Variants in IGHMBP2 observed in about 807,000 individuals in gnomAD.
The protein encoded by IGHMBP2 is DNA-binding protein SMUBP-2.
Under a neutral mutation model 96.0 loss-of-function variants are expected in IGHMBP2, and 81 were observed. The ratio of observed to expected loss-of-function variants is 0.84; its 90% CI spans 0.71 to 1.01. The LOEUF (loss-of-function observed/expected upper bound fraction) is 1.01. Ranked by LOEUF, IGHMBP2 falls within the 50% of genes least tolerant of loss-of-function variation. The pLI, the probability that IGHMBP2 is intolerant of heterozygous loss-of-function variation, is 0.00. For missense variants in IGHMBP2, 1,227 were observed against 1,306.3 expected, an observed-to-expected ratio of 0.94 and a Z score of 0.94; for synonymous variants, 557 against 548.9, an observed-to-expected ratio of 1.01 and a Z score of -0.21.
intron 2 of IGHMBP2, 97 bp from the exon 3 acceptor site, chr11:68,908,048 C>T: frequency 9.7e-7 from 1 of 1,028,612 alleles, no homozygotes; most frequent in Non-Finnish European, 1.5e-6. Context: ...AAGAAAGTAA[C>T]AAAGATAAAA....
intron 6 of IGHMBP2, among the ~76,000 whole-genome samples, 196 bp downstream of exon 6, chr11:68,915,219 G>GCT (rs1486939616): frequency 2.4e-5 from 2 of 84,636 alleles, no homozygotes; most frequent in Admixed American, 2.8e-4. Flanking sequence ...TGCTCTCATT[G>GCT]CTCAGGCTGG....
intron 7 of IGHMBP2, among the ~76,000 whole-genome samples, chr11:68,919,299 G>A (rs967089170): frequency 1.4e-5 from 2 of 147,700 alleles, no homozygotes; most frequent in African/African-American, 2.5e-5. Flanking sequence ...CATCCCCGTC[G>A]CCTTCCCTAT....
At position 68,906,140 on chromosome 11, in the gene IGHMBP2, C is replaced by T. The variant is rs1178878248; in HGVS notation, c.158C>T (p.Ser53Phe). 2.5e-6 allele frequency: 4 copies of T among 1,614,146 alleles called. No individual in the cohort carries two copies. The South Asian group carries it at 3.3e-5, about 13-fold the overall frequency. ...RGVCLLKLQV[S>F]SQRTGLYGRL... Reference sequence around the variant, plus strand: ...GTGTGTTTGCTGAAGCTGCAGGTATCCAGCCAGCGCACTGGGCTGTACGGA... The same window carrying T: ...GTGTGTTTGCTGAAGCTGCAGGTATTCAGCCAGCGCACTGGGCTGTACGGA... The change falls in exon 2 of 15, where the codon TCC (serine) becomes TTC (phenylalanine). Residue 53 changes from serine (S) to phenylalanine (F), a missense_variant. Ser to Phe is a radical substitution (Grantham distance 155, BLOSUM62 -2). This residue lies in a region of IGHMBP2 where 507 missense variants were observed against 496.9 expected (regional missense o/e 1.02). Coordinates refer to ENST00000255078, the MANE Select transcript of IGHMBP2 (RefSeq NM_002180.3).
At position 68,936,655 on chromosome 11, in the gene IGHMBP2, C is replaced by T. The variant is rs773046519; in HGVS notation, c.2175C>T (p.Gly725=). The T allele has an allele frequency of 2.7e-5, 43 of 1,613,752 alleles. 1 individual carries two copies. In the South Asian group the frequency reaches 2.7e-4, roughly 10 times the overall value. Residue 725 remains glycine (G), a synonymous_variant, in exon 13 of 15, where the codon GGC becomes GGT. Transcript: ENST00000255078. ...CAGAGGGAGTGGAGAGCCAAGATGG[C>T]GTGGACCACTTCCGGGCCATGATAG... The part of the protein sequence containing the change: ...GSPEGVESQD[G]VDHFRAMIVE...
chr11:68,936,401 G>C lies in IGHMBP2; in HGVS notation c.1921G>C (p.Glu641Gln). 6.2e-7 allele frequency: 1 copy of C among 1,614,186 alleles called. No homozygotes were observed. Among genetic ancestry groups the C allele is most frequent in the Middle Eastern group, 1.6e-4 (1 of 6,062 alleles). The stretch of plus-strand genomic sequence containing the variant: ...GCATGGGGAAGTACGCACGGCCTTT[G>C]AGTATCTTGACGATATTGTCCCAGA... Reference protein sequence around the residue: ...TQHGEVRTAFEYLDDIVPENY... With the variant: ...TQHGEVRTAFQYLDDIVPENY... Residue 641 changes from glutamate (E) to glutamine (Q), a missense_variant, in exon 13 of 15, where the codon GAG becomes CAG. Transcript: ENST00000255078.
chr11:68,936,183 G>T, intron 12 of IGHMBP2, 54 bp from the exon 13 acceptor site: 1 of 1,603,008 alleles, frequency 6.2e-7, no homozygotes, highest in South Asian at 1.1e-5. Flanking sequence ...GTAGGAGCCT[G>T]ACTGTGTTTC....
rs1858296261 is a variant in IGHMBP2, at chr11:68,908,590, T to C, written c.506T>C (p.Val169Ala). Residue 169 changes from valine (V) to alanine (A), a missense_variant, in exon 4 of 15, where the codon GTG becomes GCG. Around this residue, in one of 3 missense-constraint regions of IGHMBP2, gnomAD observed 507 missense variants for 496.9 expected, o/e 1.02. Transcript: ENST00000255078. ...HSGPASSLIE[V>A]LFGRSAPSPA... Reference sequence around the variant, plus strand: ...GGCCCAGCCTCCTCACTCATAGAAGTGCTCTTTGGCAGATCTGCTCCCAGT... The same window carrying C: ...GGCCCAGCCTCCTCACTCATAGAAGCGCTCTTTGGCAGATCTGCTCCCAGT... 1 of 1,614,062 alleles carries C rather than the reference T, an allele frequency of 6.2e-7. No individual in the cohort carries two copies. Among genetic ancestry groups the C allele is most frequent in the Non-Finnish European group, 8.5e-7 (1 of 1,179,916 alleles).
intron 7 of IGHMBP2, chr11:68,926,373 C>G (rs1224291537): frequency 6.8e-6 from 1 of 147,548 alleles, no homozygotes; most frequent in Non-Finnish European, 1.5e-5. Flanking sequence ...CAGGTTCAAG[C>G]AATTCTCCTG....
intron 1 of IGHMBP2, among the ~76,000 whole-genome samples, chr11:68,905,072 A>G (rs1157737663): frequency 6.6e-6 from 1 of 152,144 alleles, no homozygotes; most frequent in African/African-American, 2.4e-5. Context: ...TTGGGATTAC[A>G]GGCGTGAGCC....
In IGHMBP2 at chr11:68,913,043, C is replaced by CAAAAAAAAAAA. The variant is rs71043469; in HGVS notation, c.711+1455_711+1465dup. 1.0e-3 allele frequency among the ~76,000 whole-genome samples: 39 copies of CAAAAAAAAAAA among 37,436 alleles called. 1 individual carries two copies. Among genetic ancestry groups the CAAAAAAAAAAA allele is most frequent in the Middle Eastern group, 0.024 (1 of 42 alleles). 24.6% of individuals were successfully genotyped at this position (37,436 alleles called of 152,430 possible). A position where few individuals can be genotyped will look rare whatever the true frequency, so the allele number is the denominator to read the frequency against. ...GGCAATAAGAGCAAAACTCCATCTC[C>CAAAAAAAAAAA]AAAAAAAAAAAAAAAAAAAAAAAAA... On this transcript the variant is annotated intron_variant, in intron 5 of 14. Coordinates refer to ENST00000255078, the MANE Select transcript of IGHMBP2 (RefSeq NM_002180.3).
In IGHMBP2 at chr11:68,908,557, A is replaced by G; in HGVS notation, c.473A>G (p.Tyr158Cys). 6.2e-7 allele frequency: 1 copy of G among 1,613,858 alleles called. No individual in the cohort carries two copies. The highest frequency in any genetic ancestry group is 8.5e-7 in the Non-Finnish European group (1 of 1,179,740). ...AGAGCCCTGATTGCTCTAAAGAAGT[A>G]TCATTCTGGCCCAGCCTCCTCACTC... is the stretch of plus-strand genomic sequence containing the variant. ...LKKALIALKK[Y>C]HSGPASSLIE... The change falls in exon 4 of 15, where the codon TAT becomes TGT. Residue 158 changes from tyrosine to cysteine, a missense_variant. Tyr to Cys is a radical substitution (Grantham distance 194). Transcript: ENST00000255078.
intron 5 of IGHMBP2, among the ~76,000 whole-genome samples, chr11:68,913,443 A>C (rs930759681): frequency 6.6e-6 from 1 of 151,690 alleles, no homozygotes; most frequent in Non-Finnish European, 1.5e-5. Context: ...TTTTGAGCTT[A>C]AGGGCCTGTA....
At chr11:68,934,227 T>TG in intron 10 of IGHMBP2, 1 of 628,340 alleles carries the variant, frequency 1.6e-6, no homozygotes, top group Non-Finnish European at 2.9e-6. Context: ...AGTTCCACGT[T>TG]GAACAGGATG....
chr11:68,909,336 C>A (rs1419155692), intron 4 of IGHMBP2, among the ~76,000 whole-genome samples: 1 of 151,580 alleles, frequency 6.6e-6, no homozygotes, highest in Admixed American at 6.6e-5. Context: ...CACGCCACCA[C>A]GCCTGGCTAA....
At position 68,908,535 on chromosome 11, in the gene IGHMBP2, G is replaced by A. The variant is rs536962342; in HGVS notation, c.451G>A (p.Ala151Thr). 1.4e-5 allele frequency: 23 copies of A among 1,612,982 alleles called. 1 individual carries two copies. The Admixed American group carries it at 3.2e-4, about 22-fold the overall frequency. ...NDVTYRRLKK[A>T]LIALKKYHSG... Reference sequence around the variant, plus strand: ...AATTTTAGTTTTCTCCCTTGGCAGAGCCCTGATTGCTCTAAAGAAGTATCA... The same window carrying A: ...AATTTTAGTTTTCTCCCTTGGCAGAACCCTGATTGCTCTAAAGAAGTATCA... Residue 151 changes from alanine to threonine, a missense_variant and splice_region_variant, in exon 4 of 15, where the codon GCC (alanine) becomes ACC (threonine). This residue lies in a region of IGHMBP2 where 507 missense variants were observed against 496.9 expected (regional missense o/e 1.02). Transcript: ENST00000255078.
intron 7 of IGHMBP2, among the ~76,000 whole-genome samples, chr11:68,928,491 G>T (rs1180188382): frequency 6.6e-6 from 1 of 152,214 alleles, no homozygotes; most frequent in Non-Finnish European, 1.5e-5. Context: ...AGAAAGGGTG[G>T]GAACTAACAT....
At position 68,914,853 on chromosome 11, in the gene IGHMBP2, G is replaced by T; in HGVS notation, c.742G>T (p.Val248Leu). 1 of 1,614,236 alleles carries T rather than the reference G, an allele frequency of 6.2e-7. No homozygotes were observed. The highest frequency in any genetic ancestry group is 8.5e-7 in the Non-Finnish European group (1 of 1,180,048). The stretch of plus-strand genomic sequence containing the variant: ...GTGCTGCGCCCCCTCCAACATCGCC[G>T]TGGACAATCTGGTGGAGCGCCTGGC... The part of the protein sequence containing the change: ...VLCCAPSNIA[V>L]DNLVERLALC... Residue 248 changes from valine (V) to leucine (L), a missense_variant, in exon 6 of 15, where the codon GTG becomes TTG. Val to Leu is a conservative substitution (Grantham distance 32). Coordinates refer to ENST00000255078, the MANE Select transcript of IGHMBP2 (RefSeq NM_002180.3).
chr11:68,929,428 AG>A, intron 8 of IGHMBP2, 71 bp downstream of exon 8: 1 of 1,453,056 alleles, frequency 6.9e-7, no homozygotes, highest in Non-Finnish European at 9.5e-7. Context: ...CTCAGCCAGG[AG>A]CCCCAGGCTC....
At chr11:68,929,486 AC>A in intron 8 of IGHMBP2, 129 bp downstream of exon 8, 1 of 852,640 alleles carries the variant, frequency 1.2e-6, no homozygotes, top group African/African-American at 1.7e-5. Context: ...CACAGCTCCT[AC>A]CCCGTCTTAC....
Sources: allele counts gnomAD v4.1 joint callset (sites outside exome capture counted in the v4.1 genomes callset), GRCh38; gene constraint gnomAD v4.1.1; regional missense constraint gnomAD v4.1.1; transcripts MANE v1.5; gene names NCBI Gene and HGNC (gene_info 2026-07-23, HGNC 2026-07-21).